PYY: variants seen among roughly 807,000 people sequenced by gnomAD.
The protein encoded by PYY is peptide YY.
A neutral mutation model predicts 10.3 loss-of-function variants in PYY; 12 were observed. The ratio of observed to expected loss-of-function variants is 1.17; its 90% CI spans 0.75 to 1.89. PYY has a LOEUF of 1.89. Ranked by LOEUF, PYY falls within the 40% of genes most tolerant of loss-of-function variation. The pLI is 0.00. For synonymous variants in PYY, 66 were observed against 62.0 expected, an observed-to-expected ratio of 1.06 and a Z score of -0.30; for missense variants, 141 against 134.0, an observed-to-expected ratio of 1.05 and a Z score of -0.26.
chr17:43,993,296 T>C (rs927720529), intron 1 of PYY, among the ~76,000 whole-genome samples: 2 of 151,984 alleles, frequency 1.3e-5, no homozygotes, highest in Non-Finnish European at 2.9e-5. Context: ...CCGTCTCTAC[T>C]AAAAATACAA....
At chr17:43,953,043 G>A in intron 3 of PYY, 63 bp from the exon 4 acceptor site, 2 of 1,592,208 alleles carry the variant, frequency 1.3e-6, no homozygotes, top group East Asian at 2.2e-5. Flanking sequence ...GTCGTTAAGT[G>A]ATGTTGCCAG....
chr17:43,954,393 T>G (rs182787682), upstream of PYY, among the ~76,000 whole-genome samples: 1 of 152,342 alleles, frequency 6.6e-6, no homozygotes, highest in East Asian at 1.9e-4. Context: ...CAGCCTCTGT[T>G]CAGTAATACC....
intron 1 of PYY, among the ~76,000 whole-genome samples, chr17:43,972,956 G>A (rs1485680325): frequency 1.3e-5 from 2 of 151,578 alleles, no homozygotes; most frequent in South Asian, 2.1e-4. Context: ...CTCGTGATCC[G>A]CCCGCCTCAG....
At chr17:44,002,659 C>T (rs1222308132) in intron 1 of PYY, among the ~76,000 whole-genome samples, 9 of 152,362 alleles carry the variant, frequency 5.9e-5, no homozygotes, top group East Asian at 3.9e-4. Context: ...TGCTTAACAG[C>T]ATGGATCTGG....
At chr17:43,966,639 C>T (rs2048757267) in intron 1 of PYY, 1 of 152,238 alleles carries the variant, frequency 6.6e-6, no homozygotes, top group Non-Finnish European at 1.5e-5. Flanking sequence ...TTTACCCCAA[C>T]ACTCCCAATC....
In PYY at chr17:43,952,825, G is replaced by A; in HGVS notation, c.*131C>T. On this transcript the variant is annotated 3_prime_UTR_variant, in exon 4 of 4. Transcript: ENST00000692052. ...AGGGGGCGGGGGCACCGAGACGCGG[G>A]CGGAGGGCCGCACCCGAACCCTGCC... 2 of 1,017,376 alleles carry A rather than the reference G, an allele frequency of 2.0e-6. No homozygotes were observed. The highest frequency in any genetic ancestry group is 2.8e-6 in the Non-Finnish European group (2 of 712,610). 63.0% of individuals were successfully genotyped at this position (1,017,376 alleles called of 1,614,324 possible). A position where few individuals can be genotyped will look rare whatever the true frequency, so the allele number is the denominator to read the frequency against.
Position 43,975,717 on chromosome 17 carries a change from A to G in PYY, c.-462-9185T>C, listed in dbSNP as rs867846179. ...CTGGGTGACAGGAGTAAGACCCTGA[A>G]AAAAAAAAATATATATATATATATA... On this transcript the variant is annotated intron_variant, in intron 1 of 6. Coordinates refer to the PYY transcript ENST00000360085. Among the ~76,000 whole-genome samples, 81 of 109,788 alleles carry G rather than the reference A, an allele frequency of 7.4e-4. 1 individual carries two copies. Among genetic ancestry groups the G allele is most frequent in the African/African-American group, 3.5e-3 (71 of 20,314 alleles). The allele number at this position is 109,788 out of a possible 152,430, so 72.0% of individuals were successfully genotyped here.
intron 1 of PYY, among the ~76,000 whole-genome samples, chr17:43,972,648 C>G (rs1177166200): frequency 2.0e-5 from 3 of 152,132 alleles, no homozygotes; most frequent in African/African-American, 4.8e-5. Context: ...CCCACCTCAG[C>G]CTTCCTAGTT....
chr17:44,003,184 A>G lies in PYY; in HGVS notation c.-463+1207T>C, dbSNP rs554654226. On this transcript the variant is annotated intron_variant, in intron 1 of 6. Coordinates refer to the PYY transcript ENST00000360085. ...GTAGCTGGGATTACAGAAACATGCCACTACTGCCTGGCTAATTTTTGTATT... is the reference window on the plus strand; with the variant it reads ...GTAGCTGGGATTACAGAAACATGCCGCTACTGCCTGGCTAATTTTTGTATT... 2.6e-5 allele frequency among the ~76,000 whole-genome samples: 4 copies of G among 152,194 alleles called. No homozygotes were observed. The South Asian group carries it at 6.2e-4, about 24-fold the overall frequency.
chr17:43,968,748 G>A (rs984784351), intron 1 of PYY, among the ~76,000 whole-genome samples: 3 of 152,182 alleles, frequency 2.0e-5, no homozygotes, highest in Non-Finnish European at 2.9e-5. Flanking sequence ...GGAGGCAGAC[G>A]TTGCAGTGAG....
At chr17:43,962,504 T>C (rs1259845864) in intron 2 of PYY, among the ~76,000 whole-genome samples, 1 of 152,242 alleles carries the variant, frequency 6.6e-6, no homozygotes, top group East Asian at 1.9e-4. Context: ...TATTATTAAC[T>C]ATTAACTATA....
chr17:43,999,640 T>A (rs2049012578), intron 1 of PYY, among the ~76,000 whole-genome samples: 1 of 151,850 alleles, frequency 6.6e-6, no homozygotes, highest in South Asian at 2.1e-4. Flanking sequence ...TGGTGGCGCG[T>A]GCCTGTAATC....
upstream of PYY, among the ~76,000 whole-genome samples, chr17:43,955,900 C>T (rs1290546325): frequency 2.6e-5 from 4 of 152,082 alleles, no homozygotes; most frequent in East Asian, 1.9e-4. Flanking sequence ...GAGAAGGACC[C>T]TGCAGGCTAA....
At chr17:43,978,540 G>A (rs1298436205) in intron 1 of PYY, among the ~76,000 whole-genome samples, 1 of 152,034 alleles carries the variant, frequency 6.6e-6, no homozygotes, top group East Asian at 1.9e-4. Context: ...ATCTTTCATG[G>A]CTTCCATCAG....
At chr17:43,958,368 G>A (rs1275127434), upstream of PYY, among the ~76,000 whole-genome samples, 1 of 151,568 alleles carries the variant, frequency 6.6e-6, no homozygotes, top group Non-Finnish European at 1.5e-5. Flanking sequence ...GTGAGTCACT[G>A]TGCCTGACCT....
At chr17:43,961,698 AC>A (rs774356903) in intron 2 of PYY, among the ~76,000 whole-genome samples, 25 of 151,780 alleles carry the variant, frequency 1.6e-4, no homozygotes, top group Non-Finnish European at 2.2e-4. Context: ...GCGCCACCAC[AC>A]CCGGCTAAGT....
intron 1 of PYY, among the ~76,000 whole-genome samples, chr17:43,989,808 TTAAA>T (rs1477829515): frequency 1.8e-4 from 8 of 43,356 alleles, no homozygotes; most frequent in Non-Finnish European, 2.6e-4. Context: ...GGCTGTCTCT[TTAAA>T]AAAAAAAAAA....
intron 1 of PYY, among the ~76,000 whole-genome samples, chr17:43,980,185 A>C (rs1227739342): frequency 2.4e-5 from 3 of 124,096 alleles, no homozygotes; most frequent in African/African-American, 9.8e-5. Flanking sequence ...TTTTTCTGAG[A>C]CAGAGTCTCA....
chr17:43,954,928 C>G (rs570086876), upstream of PYY, among the ~76,000 whole-genome samples: 11 of 152,340 alleles, frequency 7.2e-5, no homozygotes, highest in Non-Finnish European at 1.3e-4. Flanking sequence ...TCTCCATTTT[C>G]CAGATGAGGA....
Sources: allele counts gnomAD v4.1 joint callset (sites outside exome capture counted in the v4.1 genomes callset), GRCh38; gene constraint gnomAD v4.1.1; transcripts MANE v1.5; gene names NCBI Gene and HGNC (gene_info 2026-07-23, HGNC 2026-07-21).